Variants in CACNA2D2 observed in about 807,000 individuals in gnomAD.
CACNA2D2 encodes the protein voltage-dependent calcium channel subunit alpha-2/delta-2.
A neutral mutation model predicts 166.4 loss-of-function variants in CACNA2D2; 48 were observed. The ratio of observed to expected loss-of-function variants is 0.29; its 90% CI spans 0.23 to 0.37. The LOEUF (loss-of-function observed/expected upper bound fraction) is 0.37. CACNA2D2 is among the 10% of genes least tolerant of loss of function. The pLI is 1.00. For synonymous variants in CACNA2D2, 561 were observed against 573.7 expected, an observed-to-expected ratio of 0.98 and a Z score of 0.32; for missense variants, 1,122 against 1,433.0, an observed-to-expected ratio of 0.78 and a Z score of 3.50.
At chr3:50,433,872 G>C (rs945359640) in intron 3 of CACNA2D2, among the ~76,000 whole-genome samples, 3 of 152,100 alleles carry the variant, frequency 2.0e-5, no homozygotes, top group African/African-American at 7.2e-5. Context: ...TTCTCTGTGG[G>C]GCTTGCAGAG....
chr3:50,450,708 G>A (rs1002742212), intron 2 of CACNA2D2, among the ~76,000 whole-genome samples: 1 of 152,146 alleles, frequency 6.6e-6, no homozygotes, highest in South Asian at 2.1e-4. Flanking sequence ...GCTGATGATC[G>A]TTTGTAAAAG....
intron 1 of CACNA2D2, among the ~76,000 whole-genome samples, chr3:50,476,970 C>T (rs1697808305): frequency 6.7e-6 from 1 of 148,898 alleles, no homozygotes; most frequent in South Asian, 2.1e-4. Context: ...CGATCTGTCG[C>T]CCAGGCTGGA....
intron 2 of CACNA2D2, among the ~76,000 whole-genome samples, chr3:50,474,748 T>C (rs2107082819): frequency 6.6e-6 from 1 of 152,326 alleles, no homozygotes; most frequent in African/African-American, 2.4e-5. Context: ...CCCACACAGC[T>C]ATCCTTGGCA....
chr3:50,383,306 G>A (rs1476256390), intron 6 of CACNA2D2, among the ~76,000 whole-genome samples: 1 of 152,100 alleles, frequency 6.6e-6, no homozygotes, highest in African/African-American at 2.4e-5. Context: ...GCCTCCCTGA[G>A]GACCCTGGGA....
intron 3 of CACNA2D2, among the ~76,000 whole-genome samples, chr3:50,406,026 A>C (rs1248641249): frequency 3.3e-5 from 5 of 151,690 alleles, no homozygotes; most frequent in African/African-American, 1.2e-4. Context: ...CCACAGATTC[A>C]GACTTCTTGT....
chr3:50,439,792 T>C (rs2106914064), intron 2 of CACNA2D2, among the ~76,000 whole-genome samples: 1 of 152,210 alleles, frequency 6.6e-6, no homozygotes, highest in East Asian at 1.9e-4. Context: ...GGTGGGTGGC[T>C]AGGGGGCTTG....
At chr3:50,468,642 C>T (rs12637870) in intron 2 of CACNA2D2, among the ~76,000 whole-genome samples, 1 of 151,666 alleles carries the variant, frequency 6.6e-6, no homozygotes, top group Non-Finnish European at 1.5e-5. Flanking sequence ...GACAGAGAAC[C>T]CAGGCAGAGA....
Position 50,375,420 on chromosome 3 carries a change from G to A in CACNA2D2, c.1907+224C>T, listed in dbSNP as rs1704918294. ...CATGCCAAGGGCAGTATCCTGGGAT[G>A]AGGAGACTTTGGATGACTGTGCTGT... On this transcript the variant is annotated intron_variant, in intron 21 of 37. Transcript: ENST00000424201. The surrounding 1 kb of genome is among the most constrained non-coding windows in gnomAD (Gnocchi z 4.0). Among the ~76,000 whole-genome samples the A allele has an allele frequency of 6.6e-6, 1 of 152,226 alleles. No individual in the cohort carries two copies. Among genetic ancestry groups the A allele is most frequent in the African/African-American group, 2.4e-5 (1 of 41,454 alleles).
intron 15 of CACNA2D2, 76 bp from the exon 16 acceptor site, chr3:50,377,879 A>G: frequency 2.0e-6 from 3 of 1,493,500 alleles, no homozygotes; most frequent in Non-Finnish European, 2.8e-6. Context: ...GCAGGGACTG[A>G]GGTGCAGGCC....
chr3:50,366,021 C>A lies in CACNA2D2; in HGVS notation c.2852G>T (p.Gly951Val), dbSNP rs756463697. ...PPGNLGAAPR[G>V]VFVPTVADFL... ...TCTCTGGGGACTCACCACAAAGACA[C>A]CCCGGGGTGCAGCACCCAGGTTGCC... The change falls in exon 32 of 38, where the codon GGT (glycine) becomes GTT (valine). Residue 951 changes from glycine (G) to valine (V), a missense_variant. Physicochemically the swap from Gly to Val is moderately radical, Grantham distance 109 (BLOSUM62 -3). Coordinates refer to ENST00000424201, the MANE Select transcript of CACNA2D2 (RefSeq NM_006030.4). This position sits in a 1 kb window ranked among gnomAD's most constrained non-coding sequence, Gnocchi z 5.9. The A allele has an allele frequency of 1.2e-5, 20 of 1,612,378 alleles. No homozygotes were observed. The African/African-American group carries it at 2.3e-4, about 18-fold the overall frequency.
At chr3:50,462,795 C>T (rs1446361794) in intron 2 of CACNA2D2, among the ~76,000 whole-genome samples, 2 of 151,976 alleles carry the variant, frequency 1.3e-5, no homozygotes, top group African/African-American at 4.8e-5. Flanking sequence ...CCTAACACAA[C>T]TCGCCTGATA....
Position 50,365,385 on chromosome 3 carries a change from G to GT in CACNA2D2, c.3068dup (p.Asn1023LysfsTer55). 6.2e-7 allele frequency: 1 copy of GT among 1,613,538 alleles called. No individual in the cohort carries two copies. Among genetic ancestry groups the GT allele is most frequent in the Non-Finnish European group, 8.5e-7 (1 of 1,179,826 alleles). Reference sequence around the variant, plus strand: ...AGCAGTTTCCGCAGTCGATGATGGCGTTGTAGGAGGCGTTTACCGAGCCGA... The same window carrying GT: ...AGCAGTTTCCGCAGTCGATGATGGCGTTTGTAGGAGGCGTTTACCGAGCCGA... On this transcript the variant is annotated frameshift_variant, in exon 35 of 38. Transcript: ENST00000424201. LOFTEE classifies it high-confidence loss of function. This position sits in a 1 kb window ranked among gnomAD's most constrained non-coding sequence, Gnocchi z 4.5.
At chr3:50,426,478 C>A (rs1455606443) in intron 3 of CACNA2D2, among the ~76,000 whole-genome samples, 1 of 152,160 alleles carries the variant, frequency 6.6e-6, no homozygotes, top group Admixed American at 6.5e-5. Context: ...CCAGTCAGGA[C>A]ACCCAAGGTG....
intron 3 of CACNA2D2, among the ~76,000 whole-genome samples, chr3:50,396,559 A>G (rs1706164908): frequency 6.6e-6 from 1 of 152,096 alleles, no homozygotes; most frequent in Admixed American, 6.5e-5. Flanking sequence ...CCAGGGATGG[A>G]TGAGGCCCCC....
chr3:50,442,807 C>T (rs556263842), intron 2 of CACNA2D2, among the ~76,000 whole-genome samples: 1 of 152,258 alleles, frequency 6.6e-6, no homozygotes, highest in South Asian at 2.1e-4. Flanking sequence ...GCATGGACCC[C>T]ACTGGAGGGG....
chr3:50,399,312 G>C (rs761518727), intron 3 of CACNA2D2, among the ~76,000 whole-genome samples: 5 of 152,248 alleles, frequency 3.3e-5, no homozygotes, highest in Non-Finnish European at 7.3e-5. Flanking sequence ...AGCCCAGAGG[G>C]AAAGGCTGGA....
chr3:50,481,289 C>T (rs955340649), intron 1 of CACNA2D2, among the ~76,000 whole-genome samples: 8 of 152,046 alleles, frequency 5.3e-5, no homozygotes, highest in African/African-American at 7.2e-5. Context: ...GCAAGGGGCT[C>T]GGAACACCCG....
At chr3:50,436,593 G>A (rs1234989269) in intron 2 of CACNA2D2, among the ~76,000 whole-genome samples, 6 of 152,212 alleles carry the variant, frequency 3.9e-5, no homozygotes, top group East Asian at 1.9e-4. Flanking sequence ...CTGAACCTCC[G>A]TGACTGATCT....
At chr3:50,450,336 C>T (rs1468831974) in intron 2 of CACNA2D2, among the ~76,000 whole-genome samples, 4 of 151,294 alleles carry the variant, frequency 2.6e-5, no homozygotes, top group South Asian at 2.1e-4. Context: ...CACCTACCCC[C>T]GCACCGCCTC....
Sources: allele counts gnomAD v4.1 joint callset (sites outside exome capture counted in the v4.1 genomes callset), GRCh38; gene constraint gnomAD v4.1.1; non-coding constraint Gnocchi (gnomAD v3.1); transcripts MANE v1.5; gene names NCBI Gene and HGNC (gene_info 2026-07-23, HGNC 2026-07-21).